Variants in GSTCD observed in about 807,000 individuals in gnomAD.
GSTCD encodes the protein glutathione S-transferase C-terminal domain containing.
GSTCD carries 44 observed loss-of-function variants against 68.3 expected under a neutral mutation model. The observed-to-expected ratio is 0.64, with a 90% CI of 0.51 to 0.83. The LOEUF (loss-of-function observed/expected upper bound fraction) is 0.83. GSTCD is among the 40% of genes least tolerant of loss of function. The pLI, the probability that GSTCD is intolerant of heterozygous loss-of-function variation, is 0.00. For synonymous variants in GSTCD, 273 were observed against 255.2 expected, an observed-to-expected ratio of 1.07 and a Z score of -0.67; for missense variants, 739 against 735.9, an observed-to-expected ratio of 1.00 and a Z score of -0.05.
At chr4:105,716,415 G>C (rs1347041057) in intron 1 of GSTCD, among the ~76,000 whole-genome samples, 1 of 152,048 alleles carries the variant, frequency 6.6e-6, no homozygotes, top group Non-Finnish European at 1.5e-5. Flanking sequence ...TAGTGTTTTA[G>C]CAAGGGTCCC....
At chr4:105,787,659 A>G (rs1458175118) in intron 5 of GSTCD, among the ~76,000 whole-genome samples, 2 of 152,054 alleles carry the variant, frequency 1.3e-5, no homozygotes, top group Admixed American at 6.5e-5. Context: ...GTCTGAGAAT[A>G]AATTCAGAGT....
At position 105,726,630 on chromosome 4, in the gene GSTCD, G is replaced by T; in HGVS notation, c.946G>T (p.Ala316Ser). ...SEKLVEFPLL[A>S]SWYQRIQEVP... ...GAAGCTGGTAGAATTTCCATTGCTA[G>T]CCTCTTGGTACCAGAGGATTCAGGA... The change falls in exon 4 of 12, where the codon GCC (alanine) becomes TCC (serine). Residue 316 changes from alanine (A) to serine (S), a missense_variant. Coordinates refer to ENST00000515279, the MANE Select transcript of GSTCD (RefSeq NM_001370181.1). 1 of 1,611,038 alleles carries T rather than the reference G, an allele frequency of 6.2e-7. No individual in the cohort carries two copies. Among genetic ancestry groups the T allele is most frequent in the Non-Finnish European group, 8.5e-7 (1 of 1,177,738 alleles).
intron 5 of GSTCD, among the ~76,000 whole-genome samples, chr4:105,765,837 T>C (rs945093441): frequency 6.6e-5 from 10 of 152,172 alleles, no homozygotes; most frequent in African/African-American, 2.4e-4. Context: ...ACTCTGCACT[T>C]GTCTCTCCTG....
At chr4:105,720,742 TC>T (rs918828782) in intron 3 of GSTCD, among the ~76,000 whole-genome samples, 7 of 152,190 alleles carry the variant, frequency 4.6e-5, no homozygotes, top group African/African-American at 1.7e-4. Context: ...TTCTCCATGA[TC>T]CCTCTCTTCT....
intron 5 of GSTCD, among the ~76,000 whole-genome samples, chr4:105,748,248 C>T (rs1056223450): frequency 1.3e-5 from 2 of 151,714 alleles, no homozygotes; most frequent in Non-Finnish European, 2.9e-5. Context: ...GAGTGAGACT[C>T]CATCTCAAGA....
chr4:105,734,915 G>A (rs1281664785), intron 5 of GSTCD, among the ~76,000 whole-genome samples: 1 of 152,198 alleles, frequency 6.6e-6, no homozygotes, highest in African/African-American at 2.4e-5. Flanking sequence ...ACCCTCAGCT[G>A]CAGATCTGTT....
intron 5 of GSTCD, chr4:105,760,996 A>ATTTTTT (rs35581423): frequency 1.2e-3 from 215 of 174,920 alleles, no homozygotes; most frequent in African/African-American, 2.5e-3. Context: ...TCCTTTTTTA[A>ATTTTTT]TTTTTTTTTT....
intron 5 of GSTCD, among the ~76,000 whole-genome samples, chr4:105,735,272 G>T (rs367665244): frequency 1.3e-5 from 2 of 152,182 alleles, no homozygotes; most frequent in African/African-American, 4.8e-5. Flanking sequence ...TGCCCCCAGA[G>T]TTGGAGACTA....
chr4:105,807,051 A>G (rs1722542330), intron 5 of GSTCD: 1 of 152,080 alleles, frequency 6.6e-6, no homozygotes, highest in South Asian at 2.1e-4. Context: ...TCATGACTTC[A>G]TCTTCTCTTC....
rs1724534652 is a variant in GSTCD at position 105,846,075 on chromosome 4, T to G, written c.*498T>G. ...TAGTCAGGTAATTATAGTACAGTTA[T>G]TTTTAAGCTGGGGTTAGTTGAACTT... is the stretch of plus-strand genomic sequence containing the variant. On this transcript the variant is annotated 3_prime_UTR_variant, in exon 12 of 12. Coordinates refer to ENST00000515279, the MANE Select transcript of GSTCD (RefSeq NM_001370181.1). 6.5e-6 allele frequency: 1 copy of G among 154,876 alleles called. No individual in the cohort carries two copies. The highest frequency in any genetic ancestry group is 2.4e-5 in the African/African-American group (1 of 41,470). 9.6% of individuals were successfully genotyped at this position (154,876 alleles called of 1,614,324 possible).
Position 105,829,561 on chromosome 4 carries a change from G to A in GSTCD, c.1530+3761G>A, listed in dbSNP as rs1723812127. On this transcript the variant is annotated intron_variant, in intron 8 of 11. Transcript: ENST00000515279. ...TGGTGGCAGGCAAGAGTGTGTGCAG[G>A]GAAACTCCCCTTTATAAAACGATCA... Among the ~76,000 whole-genome samples the A allele has an allele frequency of 2.0e-5, 3 of 152,084 alleles. No homozygotes were observed. In the South Asian group the frequency reaches 6.2e-4, roughly 32 times the overall value.
chr4:105,740,234 G>A (rs1733589250), intron 5 of GSTCD, among the ~76,000 whole-genome samples: 2 of 151,686 alleles, frequency 1.3e-5, no homozygotes, highest in South Asian at 2.1e-4. Context: ...TCCCTCAGCT[G>A]GGCTTAAGTA....
At chr4:105,811,612 C>T (rs1722756302) in intron 5 of GSTCD, among the ~76,000 whole-genome samples, 1 of 150,824 alleles carries the variant, frequency 6.6e-6, no homozygotes, top group Non-Finnish European at 1.5e-5. Flanking sequence ...AGCACACCAG[C>T]GTGGCACATG....
At chr4:105,798,555 T>C (rs1735989619) in intron 5 of GSTCD, among the ~76,000 whole-genome samples, 2 of 152,182 alleles carry the variant, frequency 1.3e-5, no homozygotes, top group African/African-American at 4.8e-5. Flanking sequence ...AGCTGCAGAA[T>C]GGATGTTGTG....
Position 105,726,575 on chromosome 4 carries a change from C to T in GSTCD, c.895-4C>T, listed in dbSNP as rs752013491. On this transcript the variant is annotated splice_region_variant and splice_polypyrimidine_tract_variant and intron_variant, in intron 3 of 11. Coordinates refer to ENST00000515279, the MANE Select transcript of GSTCD (RefSeq NM_001370181.1). ...ATAATGTGTTTTATTATTTTCCTAC[C>T]TAGGTAATTATCAGCAGGAAATTTT... 3.2e-6 allele frequency: 5 copies of T among 1,549,102 alleles called. No homozygotes were observed. Among genetic ancestry groups the T allele is most frequent in the South Asian group, 2.4e-5 (2 of 85,020 alleles).
rs1193574599 is a variant in GSTCD at position 105,729,420 on chromosome 4, A to G, written c.1161A>G (p.Glu387=). Residue 387 remains glutamate, a synonymous_variant, in exon 5 of 12, where the codon GAA becomes GAG. Transcript: ENST00000515279. The part of the protein sequence containing the change: ...TMAKLMEKGI[E]VMFSPHPCPT... ...TCCTTTTCTAGGAAAAGGGCATTGA[A>G]GTGATGTTTTCTCCCCACCCTTGCC... The G allele has an allele frequency of 1.9e-6, 3 of 1,607,438 alleles. No homozygotes were observed. The highest frequency in any genetic ancestry group is 2.7e-5 in the African/African-American group (2 of 74,768).
chr4:105,837,839 T>C lies in GSTCD; in HGVS notation c.1665-20T>C, dbSNP rs1402306956. 5 of 1,002,936 alleles carry C rather than the reference T, an allele frequency of 5.0e-6. No individual in the cohort carries two copies. The highest frequency in any genetic ancestry group is 1.7e-5 in the African/African-American group (1 of 60,540). The allele number at this position is 1,002,936 out of a possible 1,614,324, so 62.1% of individuals were successfully genotyped here. On this transcript the variant is annotated intron_variant, in intron 9 of 11. Transcript: ENST00000515279. ...CTTAATATTTAGAATGATGACTAAT[T>C]CCTTTTTTTTCTATTTCAGTGAACA...
chr4:105,764,791 C>T (rs935753159), intron 5 of GSTCD, among the ~76,000 whole-genome samples: 1 of 152,196 alleles, frequency 6.6e-6, no homozygotes, highest in African/African-American at 2.4e-5. Flanking sequence ...TAACAATTAG[C>T]ATCAGTGATT....
At chr4:105,813,802 T>C (rs1164285147) in intron 5 of GSTCD, among the ~76,000 whole-genome samples, 2 of 152,212 alleles carry the variant, frequency 1.3e-5, no homozygotes, top group Non-Finnish European at 2.9e-5. Flanking sequence ...AGTTACCTGC[T>C]CAATGATGGC....
Sources: allele counts gnomAD v4.1 joint callset (sites outside exome capture counted in the v4.1 genomes callset), GRCh38; gene constraint gnomAD v4.1.1; transcripts MANE v1.5; gene names NCBI Gene and HGNC (gene_info 2026-07-23, HGNC 2026-07-21).